Variants in ZSWIM7 observed in about 807,000 individuals in gnomAD.
The protein encoded by ZSWIM7 is zinc finger SWIM domain-containing protein 7.
A neutral mutation model predicts 21.1 loss-of-function variants in ZSWIM7; 22 were observed. The ratio of observed to expected loss-of-function variants is 1.04; its 90% confidence interval spans 0.74 to 1.49. The LOEUF (loss-of-function observed/expected upper bound fraction) is 1.49. Ranked by LOEUF, ZSWIM7 falls within the 40% of genes most tolerant of loss-of-function variation. ZSWIM7 has a pLI of 0.00. For missense variants in ZSWIM7, 193 were observed against 168.0 expected (o/e 1.15, Z -0.82); for synonymous variants, 67 against 66.5 (o/e 1.01, Z -0.04).
rs566532383 is a variant in ZSWIM7, at chr17:15,981,041, A to G, written c.305T>C (p.Leu102Pro). ...GGGAAGAGTCTTCCCCATCCTCACC[A>G]GGATGCTGTCACTCTTCCGTAGCAC... ...FSVLRKSDSI[L>P]CKHLLAVYLS... The change falls in exon 4 of 5, where the codon CTG becomes CCG. Residue 102 changes from leucine to proline, a missense_variant and splice_region_variant. Physicochemically the swap from Leu to Pro is moderately conservative, Grantham distance 98 (BLOSUM62 -3). Transcript: ENST00000399277. 2 of 1,611,962 alleles carry G rather than the reference A, an allele frequency of 1.2e-6. No individual in the cohort carries two copies. Among genetic ancestry groups the G allele is most frequent in the African/African-American group, 2.7e-5 (2 of 74,998 alleles).
intron 2 of ZSWIM7, among the ~76,000 whole-genome samples, chr17:15,989,645 G>A (rs935819105): frequency 6.6e-6 from 1 of 151,276 alleles, no homozygotes; most frequent in African/African-American, 2.4e-5. Context: ...TTTGTTTTTT[G>A]AGACAAAGTC....
In ZSWIM7 at chr17:15,999,659, C is replaced by T. The variant is rs199843558; in HGVS notation, c.-65G>A. ...GCGACGCTCCAGCTGACTGCGCCTA[C>T]CTGTGGAGGATCCTGACCCCCCGCC... On this transcript the variant is annotated 5_prime_UTR_variant, in exon 1 of 5. Coordinates refer to ENST00000399277, the MANE Select transcript of ZSWIM7 (RefSeq NM_001042697.2). 74 of 1,563,786 alleles carry T rather than the reference C, an allele frequency of 4.7e-5. No homozygotes were observed. The East Asian group carries it at 1.5e-3, about 31-fold the overall frequency.
intron 4 of ZSWIM7, among the ~76,000 whole-genome samples, chr17:15,980,630 C>T (rs1970344667): frequency 6.6e-6 from 1 of 152,140 alleles, no homozygotes; most frequent in South Asian, 2.1e-4. Context: ...GGTACTCATG[C>T]CCCATGTGAA....
At chr17:15,978,949 T>C (rs556929202) in intron 4 of ZSWIM7, among the ~76,000 whole-genome samples, 233 of 129,154 alleles carry the variant, frequency 1.8e-3, no homozygotes, top group Non-Finnish European at 2.8e-3. Flanking sequence ...TACTCTCTCT[T>C]TTTTTTTTTT....
At position 15,999,626 on chromosome 17, in the gene ZSWIM7, G is replaced by C. The variant is rs1307326951; in HGVS notation, c.-32C>G. The C allele has an allele frequency of 8.3e-6, 13 of 1,565,680 alleles. No individual in the cohort carries two copies. Among genetic ancestry groups the C allele is most frequent in the Admixed American group, 1.9e-5 (1 of 53,416 alleles). ...GCAGGACACGCCCTCCACGACCGGC[G>C]GACCGCCGCGACGCTCCAGCTGACT... On this transcript the variant is annotated 5_prime_UTR_variant, in exon 1 of 5. Transcript: ENST00000399277.
chr17:15,984,592 T>C (rs1195992914), intron 3 of ZSWIM7, among the ~76,000 whole-genome samples: 1 of 152,192 alleles, frequency 6.6e-6, no homozygotes, highest in Non-Finnish European at 1.5e-5. Flanking sequence ...ACAGTTTTAT[T>C]TTATGACCGC....
chr17:15,996,016 A>T (rs1242471421), intron 1 of ZSWIM7, among the ~76,000 whole-genome samples: 1 of 152,274 alleles, frequency 6.6e-6, no homozygotes, highest in Non-Finnish European at 1.5e-5. Flanking sequence ...ATGTCTGAAG[A>T]AATATTATTT....
chr17:15,986,469 T>A (rs774643282), intron 3 of ZSWIM7, among the ~76,000 whole-genome samples: 13 of 152,254 alleles, frequency 8.5e-5, no homozygotes, highest in Non-Finnish European at 1.9e-4. Flanking sequence ...TAAAAAAAGT[T>A]GAACTCATAG....
chr17:15,995,130 A>G (rs747079601), intron 1 of ZSWIM7, among the ~76,000 whole-genome samples: 10 of 152,126 alleles, frequency 6.6e-5, no homozygotes, highest in Non-Finnish European at 1.3e-4. Context: ...AGAAAAAGGG[A>G]ATCTTCTGAA....
rs187466968 is a variant in ZSWIM7, at chr17:15,981,904, C to T, written c.202-760G>A. Among the ~76,000 whole-genome samples the T allele has an allele frequency of 2.6e-5, 4 of 152,234 alleles. No homozygotes were observed. In the East Asian group the frequency reaches 7.7e-4, roughly 29 times the overall value. The stretch of plus-strand genomic sequence containing the variant: ...GCACTGCAGCCTGGGTGACAAAGAT[C>T]CCATCTCTAAAATAAAGATAGGTCA... On this transcript the variant is annotated intron_variant, in intron 3 of 4. Coordinates refer to ENST00000399277, the MANE Select transcript of ZSWIM7 (RefSeq NM_001042697.2).
chr17:15,996,649 G>T (rs1274907007), intron 1 of ZSWIM7, among the ~76,000 whole-genome samples: 1 of 151,754 alleles, frequency 6.6e-6, no homozygotes, highest in Admixed American at 6.6e-5. Flanking sequence ...ATAATATAAG[G>T]TAGTAAGCCT....
chr17:15,987,865 C>T (rs1222684511), intron 2 of ZSWIM7, among the ~76,000 whole-genome samples: 1 of 152,142 alleles, frequency 6.6e-6, no homozygotes, highest in Non-Finnish European at 1.5e-5. Context: ...CTGCCTCGGC[C>T]TCCCAAAGTG....
intron 1 of ZSWIM7, 133 bp from the exon 2 acceptor site, chr17:15,993,911 C>T (rs951995807): frequency 1.1e-5 from 7 of 620,508 alleles, no homozygotes; most frequent in Non-Finnish European, 2.0e-5. Flanking sequence ...TCTGGTTTTA[C>T]TCCTTCCCCA....
At chr17:15,990,047 C>T (rs189828711) in intron 2 of ZSWIM7, among the ~76,000 whole-genome samples, 4 of 151,976 alleles carry the variant, frequency 2.6e-5, no homozygotes, top group African/African-American at 9.6e-5. Context: ...GGTGAAACCC[C>T]GTCTCTACTA....
At chr17:15,992,589 A>G (rs551943122) in intron 2 of ZSWIM7, among the ~76,000 whole-genome samples, 2 of 151,834 alleles carry the variant, frequency 1.3e-5, no homozygotes, top group South Asian at 4.2e-4. Context: ...ACAGGAATGC[A>G]CCACCATGCT....
chr17:15,980,932 G>T, intron 4 of ZSWIM7, 108 bp downstream of exon 4: 2 of 756,600 alleles, frequency 2.6e-6, no homozygotes, highest in Non-Finnish European at 4.1e-6. Flanking sequence ...ACTACCATTT[G>T]TTTCAACATA....
In ZSWIM7 at chr17:15,977,812, G is replaced by T. The variant is rs1017075001; in HGVS notation, c.*235C>A. 35 of 382,388 alleles carry T rather than the reference G, an allele frequency of 9.2e-5. No homozygotes were observed. The highest frequency in any genetic ancestry group is 7.0e-4 in the African/African-American group (35 of 50,054). The allele number at this position is 382,388 out of a possible 1,614,324, so 23.7% of individuals were successfully genotyped here. ...GGACATTTTTTACCGAAGCGTCTCA[G>T]AGACTGGCTCAGGGTATTTCTTGAC... On this transcript the variant is annotated 3_prime_UTR_variant, in exon 5 of 5. Transcript: ENST00000399277.
intron 3 of ZSWIM7, among the ~76,000 whole-genome samples, chr17:15,983,251 AG>A (rs1970375975): frequency 6.8e-6 from 1 of 147,152 alleles, no homozygotes; most frequent in East Asian, 2.1e-4. Flanking sequence ...AGGCTGAGGC[AG>A]GAGAATCACT....
intron 1 of ZSWIM7, among the ~76,000 whole-genome samples, chr17:15,995,701 G>C (rs1248597173): frequency 1.3e-5 from 2 of 151,416 alleles, no homozygotes; most frequent in Admixed American, 6.6e-5. Context: ...AAGTCAACCA[G>C]AAGGACAACA....
Sources: allele counts gnomAD v4.1 joint callset (sites outside exome capture counted in the v4.1 genomes callset), GRCh38; gene constraint gnomAD v4.1.1; transcripts MANE v1.5; gene names NCBI Gene and HGNC (gene_info 2026-07-23, HGNC 2026-07-21).